Variants in ESR1 observed in about 807,000 individuals in gnomAD.
ESR1 encodes estrogen receptor.
Under a neutral mutation model 52.7 loss-of-function variants are expected in ESR1, and 12 were observed. The ratio of observed to expected loss-of-function variants is 0.23; its 90% CI spans 0.15 to 0.37. The LOEUF (loss-of-function observed/expected upper bound fraction) is 0.37, where lower values mean the gene tolerates loss of function less well. Among genes scored for constraint, ESR1 ranks in the 10% least tolerant of loss-of-function variants. The pLI is 1.00. For synonymous variants in ESR1, 305 were observed against 316.8 expected (o/e 0.96, Z 0.39); for missense variants, 584 against 779.7 (o/e 0.75, Z 2.99).
chr6:152,082,470 A>G (rs889997056), intron 6 of ESR1, among the ~76,000 whole-genome samples: 1 of 152,188 alleles, frequency 6.6e-6, no homozygotes, highest in African/African-American at 2.4e-5. Context: ...CCTCAAAATA[A>G]TAAGAGCTAT....
chr6:151,956,861 T>TATATATAA (rs1228735143), intron 4 of ESR1, among the ~76,000 whole-genome samples: 82 of 82,756 alleles, frequency 9.9e-4, no homozygotes, highest in African/African-American at 2.6e-3. Context: ...TATATATATA[T>TATATATAA]AAATATATAT....
chr6:151,751,923 T>G (rs1175988175), intron 2 of ESR1, among the ~76,000 whole-genome samples: 1 of 152,162 alleles, frequency 6.6e-6, no homozygotes, highest in African/African-American at 2.4e-5. Context: ...CCGAAATATT[T>G]TAATGAGAAT....
At chr6:151,669,245 C>CAGATCACT (rs1777961755) in intron 1 of ESR1, among the ~76,000 whole-genome samples, 1 of 101,132 alleles carries the variant, frequency 9.9e-6, no homozygotes, top group Non-Finnish European at 1.9e-5. Flanking sequence ...GCGGCCCAGG[C>CAGATCACT]TGGGGTTGCT....
At chr6:152,111,003 C>T (rs1585274427) in intron 6 of ESR1, among the ~76,000 whole-genome samples, 2 of 152,196 alleles carry the variant, frequency 1.3e-5, no homozygotes, top group Admixed American at 1.3e-4. Flanking sequence ...TGTACCTTGG[C>T]ACCAGGAGGA....
intron 6 of ESR1, among the ~76,000 whole-genome samples, chr6:152,113,713 G>A (rs2051174618): frequency 6.6e-6 from 1 of 152,064 alleles, no homozygotes; most frequent in Non-Finnish European, 1.5e-5. Context: ...TCCCAATAGC[G>A]ATTTCCAAAA....
chr6:151,915,077 G>A (rs1281741732), intron 3 of ESR1, among the ~76,000 whole-genome samples: 1 of 151,784 alleles, frequency 6.6e-6, no homozygotes, highest in Non-Finnish European at 1.5e-5. Context: ...TATAAAACAG[G>A]TCTATTACTC....
exon 7 of ESR1, chr6:152,129,270 C>G (rs1268141413): frequency 6.6e-6 from 1 of 152,270 alleles, no homozygotes; most frequent in Non-Finnish European, 1.5e-5. Context: ...TGCATCATAA[C>G]ATAAGCGCTT....
intron 1 of ESR1, among the ~76,000 whole-genome samples, chr6:151,680,640 G>A (rs956371231): frequency 4.6e-5 from 7 of 152,088 alleles, no homozygotes; most frequent in South Asian, 2.1e-4. Flanking sequence ...ACTTCCTGTC[G>A]CCATCATATT....
At chr6:152,111,141 C>G (rs903357482) in intron 6 of ESR1, among the ~76,000 whole-genome samples, 1 of 152,174 alleles carries the variant, frequency 6.6e-6, no homozygotes, top group Non-Finnish European at 1.5e-5. Flanking sequence ...TGCCACAAGA[C>G]CATCTCATGG....
rs1398459081 is a variant in ESR1, at chr6:152,005,985, A to G, written c.1097-5671A>G. Among the ~76,000 whole-genome samples the G allele has an allele frequency of 2.6e-5, 4 of 151,998 alleles. No homozygotes were observed. The East Asian group carries it at 7.8e-4, about 29-fold the overall frequency. ...TTTAGTGTGGCAGCTGCATAAGAGC[A>G]TTGGATAGGTGGTATGATATGGGAT... On this transcript the variant is annotated intron_variant, in intron 4 of 7. Transcript: ENST00000206249.
At chr6:151,666,036 A>G (rs1216493108) in intron 1 of ESR1, among the ~76,000 whole-genome samples, 1 of 152,236 alleles carries the variant, frequency 6.6e-6, no homozygotes, top group African/African-American at 2.4e-5. Flanking sequence ...AACTATCATG[A>G]TCAGAAGAAA....
chr6:152,030,666 T>C (rs2044611775), intron 5 of ESR1, among the ~76,000 whole-genome samples: 1 of 152,118 alleles, frequency 6.6e-6, no homozygotes, highest in Non-Finnish European at 1.5e-5. Context: ...CAAAGAGACT[T>C]AGACTCCCAC....
intron 1 of ESR1, among the ~76,000 whole-genome samples, chr6:151,695,826 G>A (rs111759720): frequency 6.6e-6 from 1 of 152,204 alleles, no homozygotes; most frequent in East Asian, 1.9e-4. Context: ...AAAGATAATT[G>A]CATCACATAT....
intron 2 of ESR1, among the ~76,000 whole-genome samples, chr6:151,755,409 C>G (rs942015665): frequency 1.3e-5 from 2 of 152,128 alleles, no homozygotes; most frequent in Non-Finnish European, 2.9e-5. Flanking sequence ...ATGGGCTCAT[C>G]TAAACATCAG....
At chr6:151,738,427 C>A (rs77407621) in intron 2 of ESR1, among the ~76,000 whole-genome samples, 12 of 152,044 alleles carry the variant, frequency 7.9e-5, no homozygotes, top group Non-Finnish European at 1.8e-4. Context: ...TTAAATTTCT[C>A]GGAAACTGCC....
intron 2 of ESR1, among the ~76,000 whole-genome samples, chr6:151,770,507 A>G (rs1243340457): frequency 6.6e-6 from 1 of 152,112 alleles, no homozygotes; most frequent in Admixed American, 6.5e-5. Flanking sequence ...AAATGTAACT[A>G]ATATGTAATT....
At chr6:151,974,771 C>G (rs1188046653) in intron 4 of ESR1, among the ~76,000 whole-genome samples, 1 of 152,136 alleles carries the variant, frequency 6.6e-6, no homozygotes, top group Non-Finnish European at 1.5e-5. Flanking sequence ...TTAAGACAAG[C>G]AATGAAATTC....
chr6:152,121,308 T>G (rs1454308832), intron 6 of ESR1, among the ~76,000 whole-genome samples: 3 of 152,192 alleles, frequency 2.0e-5, no homozygotes, highest in African/African-American at 7.2e-5. Context: ...AGAAGGAATC[T>G]GAACAGAAGT....
At chr6:151,712,853 G>A (rs1430675607) in intron 2 of ESR1, among the ~76,000 whole-genome samples, 3 of 152,052 alleles carry the variant, frequency 2.0e-5, no homozygotes, top group African/African-American at 7.2e-5. Flanking sequence ...TGATTGCCCT[G>A]GCCAGAACTT....
Sources: gnomAD v4.1 joint callset for allele counts (sites outside exome capture counted in the v4.1 genomes callset) on GRCh38, gnomAD v4.1.1 for gene constraint, MANE v1.5 for transcripts, NCBI Gene and HGNC (gene_info 2026-07-23, HGNC 2026-07-21) for gene names.